Variants in WRNIP1 observed in about 807,000 individuals in gnomAD.
WRNIP1 encodes the protein WRN helicase interacting protein 1.
WRNIP1 carries 41 observed loss-of-function variants against 56.1 expected under a neutral mutation model. The observed-to-expected ratio is 0.73, with a 90% confidence interval of 0.57 to 0.95. The LOEUF is 0.95. Among genes scored for constraint, WRNIP1 ranks in the 40% least tolerant of loss-of-function variants. The probability of loss-of-function intolerance (pLI) is 0.00; values close to 1 mark genes in which losing one functional copy is unlikely to be tolerated. For missense variants in WRNIP1, 1,170 were observed against 939.4 expected (o/e 1.25, Z -3.21); for synonymous variants, 547 against 398.1 (o/e 1.37, Z -4.45).
In WRNIP1 at chr6:2,785,129, C is replaced by T; in HGVS notation, c.1845C>T (p.Pro615=). The stretch of plus-strand genomic sequence containing the variant: ...ACCAGGGGCCACTGCCCCCCGTGCC[C>T]CTGCACCTGAGGAACGCGCCCACTA... The part of the protein sequence containing the change: ...RNHQGPLPPV[P]LHLRNAPTRL... Residue 615 remains proline, a synonymous_variant, in exon 7 of 7, where the codon CCC becomes CCT. Coordinates refer to ENST00000380773, the MANE Select transcript of WRNIP1 (RefSeq NM_020135.3). 1.2e-6 allele frequency: 2 copies of T among 1,614,176 alleles called. No individual in the cohort carries two copies. Among genetic ancestry groups the T allele is most frequent in the South Asian group, 2.2e-5 (2 of 91,086 alleles).
At chr6:2,770,043 G>A (rs1194052519) in intron 2 of WRNIP1, 77 bp from the exon 3 acceptor site, 21 of 1,586,826 alleles carry the variant, frequency 1.3e-5, no homozygotes, top group Non-Finnish European at 1.6e-5. Context: ...AGGAAGGAAG[G>A]GATAGCCAAC....
Position 2,785,395 on chromosome 6 carries a change from TGTGCCAGAAATTTAA to T in WRNIP1, c.*115_*129del. 1 of 1,281,952 alleles carries T rather than the reference TGTGCCAGAAATTTAA, an allele frequency of 7.8e-7. No homozygotes were observed. The highest frequency in any genetic ancestry group is 1.1e-6 in the Non-Finnish European group (1 of 938,868). The allele number at this position is 1,281,952 out of a possible 1,614,324, so 79.4% of individuals were successfully genotyped here. A position where few individuals can be genotyped will look rare whatever the true frequency, so the allele number is the denominator to read the frequency against. On this transcript the variant is annotated 3_prime_UTR_variant, in exon 7 of 7. Transcript: ENST00000380773. The stretch of plus-strand genomic sequence containing the variant: ...TGGAAGTTAGAACAGACCAACATTT[TGTGCCAGAAATTTAA>T]GAGTTCCATAGGTGGAGGCGCAGTT...
intron 4 of WRNIP1, among the ~76,000 whole-genome samples, chr6:2,781,842 G>GT (rs1391700544): frequency 2.6e-5 from 4 of 152,208 alleles, no homozygotes; most frequent in African/African-American, 4.8e-5. Context: ...GCCCTGTGAG[G>GT]TAAGTGGTCT....
chr6:2,774,397 G>T (rs1424886207), intron 3 of WRNIP1: 1 of 494,954 alleles, frequency 2.0e-6, no homozygotes, highest in Non-Finnish European at 2.6e-6. Flanking sequence ...CTCTCATCCA[G>T]CATCTGATGG....
intron 3 of WRNIP1, among the ~76,000 whole-genome samples, chr6:2,772,212 G>A (rs1765309473): frequency 6.6e-6 from 1 of 152,232 alleles, no homozygotes; most frequent in Admixed American, 6.5e-5. Flanking sequence ...AGAAGATCAA[G>A]TGAAATAATT....
chr6:2,779,186 A>G (rs1765501030), intron 3 of WRNIP1, 77 bp from the exon 4 acceptor site: 1 of 1,447,428 alleles, frequency 6.9e-7, no homozygotes, highest in African/African-American at 1.4e-5. Context: ...GCTGAGAAGT[A>G]TGAGTTTCTA....
In WRNIP1 at chr6:2,766,428, C is replaced by A; in HGVS notation, c.806C>A (p.Pro269Gln). 1 of 1,575,482 alleles carries A rather than the reference C, an allele frequency of 6.3e-7. No homozygotes were observed. The highest frequency in any genetic ancestry group is 8.6e-7 in the Non-Finnish European group (1 of 1,156,260). The change falls in exon 1 of 7, where the codon CCG becomes CAG. Residue 269 changes from proline to glutamine, a missense_variant. By Grantham distance (76) the Pro-to-Gln change is moderately conservative (BLOSUM62 -1). Transcript: ENST00000380773. Reference protein sequence around the residue: ...NEIPSLILWGPPGCGKTTLAH... With the variant: ...NEIPSLILWGQPGCGKTTLAH... The stretch of plus-strand genomic sequence containing the variant: ...ATCCCCTCGCTTATCCTGTGGGGGC[C>A]GCCGGGCTGCGGCAAGGTGAGTGCG...
At chr6:2,770,015 A>G (rs1164499342) in intron 2 of WRNIP1, 105 bp from the exon 3 acceptor site, 1 of 1,509,350 alleles carries the variant, frequency 6.6e-7, no homozygotes, top group Non-Finnish European at 9.0e-7. Flanking sequence ...CTGAACTCGA[A>G]AGATAAAAAT....
In WRNIP1 at chr6:2,765,669, A is replaced by C. The variant is rs767089025; in HGVS notation, c.47A>C (p.His16Pro). ...PEDDPFLSQL[H>P]QVQCPVCQQM... ...GACGACCCCTTCCTTTCGCAGCTGC[A>C]CCAGGTGCAGTGCCCCGTGTGCCAG... The change falls in exon 1 of 7, where the codon CAC becomes CCC. Residue 16 changes from histidine to proline, a missense_variant. Physicochemically the swap from His to Pro is moderately conservative, Grantham distance 77 (BLOSUM62 -2). Transcript: ENST00000380773. The C allele has an allele frequency of 6.4e-7, 1 of 1,552,584 alleles. No homozygotes were observed. Among genetic ancestry groups the C allele is most frequent in the South Asian group, 1.1e-5 (1 of 88,010 alleles).
Position 2,779,295 on chromosome 6 carries a change from A to AGGATAAAG in WRNIP1, c.1289_1290insGGATAAAG (p.Asp430GlufsTer18). On this transcript the variant is annotated frameshift_variant, in exon 4 of 7. Transcript: ENST00000380773. LOFTEE classifies it high-confidence loss of function. The stretch of plus-strand genomic sequence containing the variant: ...ATGTTCATAGAGGATAAAGCAGTAG[A>AGGATAAAG]CACCCTGGCTTACCTCAGTGACGGT... 1 of 1,614,174 alleles carries AGGATAAAG rather than the reference A, an allele frequency of 6.2e-7. No homozygotes were observed. Among genetic ancestry groups the AGGATAAAG allele is most frequent in the Non-Finnish European group, 8.5e-7 (1 of 1,180,042 alleles).
At chr6:2,770,548 C>T (rs1765237822) in intron 3 of WRNIP1, among the ~76,000 whole-genome samples, 187 bp downstream of exon 3, 1 of 152,220 alleles carries the variant, frequency 6.6e-6, no homozygotes, top group Non-Finnish European at 1.5e-5. Flanking sequence ...TCCCTGCACA[C>T]TTGAAGATGC....
chr6:2,783,151 C>T (rs1408864350), intron 4 of WRNIP1, among the ~76,000 whole-genome samples: 11 of 152,186 alleles, frequency 7.2e-5, no homozygotes, highest in South Asian at 2.1e-4. Flanking sequence ...TGCCTCTGTG[C>T]GTGTGCGTGC....
In WRNIP1 at chr6:2,785,417, C is replaced by T. The variant is rs1765686482; in HGVS notation, c.*135C>T. ...TTTTGTGCCAGAAATTTAAGAGTTC[C>T]ATAGGTGGAGGCGCAGTTCTTTCGA... On this transcript the variant is annotated 3_prime_UTR_variant, in exon 7 of 7. Transcript: ENST00000380773. The T allele has an allele frequency of 1.1e-5, 11 of 994,436 alleles. No individual in the cohort carries two copies. The highest frequency in any genetic ancestry group is 2.7e-5 in the Admixed American group (1 of 37,044). 61.6% of individuals were successfully genotyped at this position (994,436 alleles called of 1,614,324 possible).
rs896337475 is a variant in WRNIP1 at position 2,765,395 on chromosome 6, A to G, written c.-228A>G. On this transcript the variant is annotated 5_prime_UTR_variant, in exon 1 of 7. Transcript: ENST00000380773. ...GCCGGGGCAAACGGCCACGAACTAC[A>G]CTTCCCGACACGCCGCGTGAGGCGC... 4 of 391,010 alleles carry G rather than the reference A, an allele frequency of 1.0e-5. No individual in the cohort carries two copies. The highest frequency in any genetic ancestry group is 8.5e-5 in the African/African-American group (4 of 46,916). 24.2% of individuals were successfully genotyped at this position (391,010 alleles called of 1,614,324 possible). A position where few individuals can be genotyped will look rare whatever the true frequency, so the allele number is the denominator to read the frequency against.
Position 2,784,423 on chromosome 6 carries a change from T to C in WRNIP1, c.1722+20T>C. On this transcript the variant is annotated intron_variant, in intron 6 of 6. Transcript: ENST00000380773. The stretch of plus-strand genomic sequence containing the variant: ...TGTGAGGTAAAGTAATCAGCTCATT[T>C]CTTGCAAATCACTTCTTTTCTCTCT... 6.2e-7 allele frequency: 1 copy of C among 1,611,556 alleles called. No individual in the cohort carries two copies.
chr6:2,773,610 G>T, intron 3 of WRNIP1: 1 of 985,320 alleles, frequency 1.0e-6, no homozygotes, highest in African/African-American at 1.7e-5. Context: ...TAATTTTGGA[G>T]GCCAGGAAAA....
chr6:2,773,092 C>G, intron 3 of WRNIP1: 1 of 985,356 alleles, frequency 1.0e-6, no homozygotes, highest in Non-Finnish European at 1.2e-6. Context: ...GCCGCTTAGC[C>G]GTTCTTGATT....
chr6:2,780,263 A>G (rs936330780), intron 4 of WRNIP1, among the ~76,000 whole-genome samples: 3 of 152,242 alleles, frequency 2.0e-5, no homozygotes, highest in Non-Finnish European at 4.4e-5. Flanking sequence ...AAGCTCTGCC[A>G]GAAAAGGAGG....
At chr6:2,768,124 C>T (rs1765108647) in intron 1 of WRNIP1, among the ~76,000 whole-genome samples, 2 of 152,208 alleles carry the variant, frequency 1.3e-5, no homozygotes, top group Admixed American at 6.5e-5. Flanking sequence ...AATGTGACCA[C>T]AGTGCTGCCC....
Sources: allele counts gnomAD v4.1 joint callset (sites outside exome capture counted in the v4.1 genomes callset), GRCh38; gene constraint gnomAD v4.1.1; transcripts MANE v1.5; gene names NCBI Gene and HGNC (gene_info 2026-07-23, HGNC 2026-07-21).